HACE1: variants seen among roughly 807,000 people sequenced by gnomAD.
HACE1 encodes the protein HECT domain and ankyrin repeat containing E3 ubiquitin protein ligase 1, also known as E3 ubiquitin-protein ligase HACE1.
HACE1 carries 73 observed loss-of-function variants against 118.4 expected under a neutral mutation model. That is an observed-to-expected ratio of 0.62 (90% CI 0.51 to 0.75). The LOEUF (loss-of-function observed/expected upper bound fraction) is 0.75. Among genes scored for constraint, HACE1 ranks in the 30% least tolerant of loss-of-function variants. The pLI, the probability that HACE1 is intolerant of heterozygous loss-of-function variation, is 0.00. For missense variants in HACE1, 749 were observed against 1,102.2 expected (o/e 0.68, Z 4.54); for synonymous variants, 368 against 374.8 (o/e 0.98, Z 0.21).
At chr6:104,824,603 G>A (rs1171390530) in intron 6 of HACE1, among the ~76,000 whole-genome samples, 1 of 152,084 alleles carries the variant, frequency 6.6e-6, no homozygotes, top group Admixed American at 6.6e-5. Flanking sequence ...AAAGCATAAG[G>A]CACAACATAA....
At chr6:104,762,138 T>C (rs1195289665) in intron 19 of HACE1, among the ~76,000 whole-genome samples, 11 of 152,212 alleles carry the variant, frequency 7.2e-5, no homozygotes, top group African/African-American at 1.2e-4. Context: ...GAAGACAGTG[T>C]GGCGATTCCT....
At chr6:104,750,624 T>G in intron 19 of HACE1, 152 bp from the exon 20 acceptor site, 1 of 741,378 alleles carries the variant, frequency 1.3e-6, no homozygotes, top group East Asian at 2.8e-5. Context: ...CACTATTCAC[T>G]AAGCTGTTGA....
At chr6:104,793,952 A>AT (rs1328312467) in intron 10 of HACE1, among the ~76,000 whole-genome samples, 1 of 152,166 alleles carries the variant, frequency 6.6e-6, no homozygotes, top group Non-Finnish European at 1.5e-5. Context: ...TAGCAGAGTA[A>AT]TTTTTTAAAA....
chr6:104,776,825 G>GT lies in HACE1; in HGVS notation c.1779_1780insA (p.Gln594ThrfsTer6). 2 of 1,598,624 alleles carry GT rather than the reference G, an allele frequency of 1.3e-6. No individual in the cohort carries two copies. Among genetic ancestry groups the GT allele is most frequent in the Non-Finnish European group, 1.7e-6 (2 of 1,166,030 alleles). On this transcript the variant is annotated frameshift_variant, in exon 17 of 24. Coordinates refer to ENST00000262903, the MANE Select transcript of HACE1 (RefSeq NM_020771.4). LOFTEE classifies it high-confidence loss of function. Reference sequence around the variant, plus strand: ...TCAAACCACTCACGCACAACACCTTGACCCTGAATTCAAGAAATAAAATTA... The same window carrying GT: ...TCAAACCACTCACGCACAACACCTTGTACCCTGAATTCAAGAAATAAAATTA...
intron 7 of HACE1, among the ~76,000 whole-genome samples, chr6:104,800,875 T>C (rs1770255325): frequency 6.6e-6 from 1 of 151,908 alleles, no homozygotes. Context: ...CTTTGACGAG[T>C]TCACAGAAGT....
intron 19 of HACE1, among the ~76,000 whole-genome samples, chr6:104,759,919 A>G (rs191239660): frequency 5.3e-4 from 81 of 152,350 alleles, no homozygotes; most frequent in Middle Eastern, 6.8e-3. Flanking sequence ...TACTATAAAC[A>G]TCTCTATGCA....
chr6:104,859,811 G>A lies in HACE1; in HGVS notation c.-169C>T, dbSNP rs1777142660. 10 of 602,546 alleles carry A rather than the reference G, an allele frequency of 1.7e-5. No homozygotes were observed. The highest frequency in any genetic ancestry group is 4.4e-4 in the Middle Eastern group (1 of 2,248). The allele number at this position is 602,546 out of a possible 1,614,324, so 37.3% of individuals were successfully genotyped here. Reference sequence around the variant, plus strand: ...CTGGGGCCACGTCCTGCGTCCGGGGGCCGGGCTGCTGCCGGACCGACCACC... The same window carrying A: ...CTGGGGCCACGTCCTGCGTCCGGGGACCGGGCTGCTGCCGGACCGACCACC... On this transcript the variant is annotated 5_prime_UTR_variant, in exon 1 of 24. Coordinates refer to ENST00000262903, the MANE Select transcript of HACE1 (RefSeq NM_020771.4).
chr6:104,782,348 T>TGTGGTG (rs1443663086), intron 14 of HACE1: 1 of 152,326 alleles, frequency 6.6e-6, no homozygotes, highest in Non-Finnish European at 1.5e-5. Context: ...ATTAGCCAGG[T>TGTGGTG]GTGGTGGTAT....
At position 104,803,947 on chromosome 6, in the gene HACE1, T is replaced by C. The variant is rs992580800; in HGVS notation, c.618-6922A>G. 5.3e-5 allele frequency among the ~76,000 whole-genome samples: 8 copies of C among 152,310 alleles called. 1 individual carries two copies. The highest frequency in any genetic ancestry group is 6.8e-3 in the Middle Eastern group (2 of 294). ...CTGTCCCTGTTTGCAGATGACATGATTGTATATTTAGAAAACCACATCGTC... is the reference window on the plus strand; with the variant it reads ...CTGTCCCTGTTTGCAGATGACATGACTGTATATTTAGAAAACCACATCGTC... On this transcript the variant is annotated intron_variant, in intron 7 of 23. Coordinates refer to ENST00000262903, the MANE Select transcript of HACE1 (RefSeq NM_020771.4).
At chr6:104,762,780 G>T (rs1181837132) in intron 19 of HACE1, among the ~76,000 whole-genome samples, 1 of 151,976 alleles carries the variant, frequency 6.6e-6, no homozygotes, top group Admixed American at 6.6e-5. Flanking sequence ...CACGAGGTCA[G>T]GAGATCGAGA....
chr6:104,832,187 GATAAA>G (rs1168800805), intron 6 of HACE1, among the ~76,000 whole-genome samples: 2 of 151,986 alleles, frequency 1.3e-5, no homozygotes, highest in Admixed American at 6.6e-5. Flanking sequence ...AACAGCAAAA[GATAAA>G]ATAAAATATG....
chr6:104,851,842 A>T (rs1031044001), intron 2 of HACE1, among the ~76,000 whole-genome samples: 2 of 152,204 alleles, frequency 1.3e-5, no homozygotes, highest in African/African-American at 4.8e-5. Flanking sequence ...GTAAGTGTAA[A>T]GACCCCCTCA....
intron 6 of HACE1, among the ~76,000 whole-genome samples, chr6:104,825,081 C>CAA (rs575106170): frequency 0.036 from 3,301 of 92,596 alleles, 151 homozygotes; most frequent in African/African-American, 0.13. Flanking sequence ...GACTCCGTCT[C>CAA]AAAAAAAAAA....
intron 6 of HACE1, among the ~76,000 whole-genome samples, chr6:104,821,431 C>G (rs1394186365): frequency 6.6e-6 from 1 of 152,044 alleles, no homozygotes; most frequent in Admixed American, 6.6e-5. Context: ...TATATATTAG[C>G]ATGCAATTAA....
intron 6 of HACE1, among the ~76,000 whole-genome samples, chr6:104,826,368 A>T (rs1047869866): frequency 2.6e-5 from 4 of 152,370 alleles, no homozygotes; most frequent in African/African-American, 9.6e-5. Context: ...AGATGTAAAT[A>T]AACAAAATCT....
chr6:104,835,175 TC>T (rs1326428822), intron 5 of HACE1, among the ~76,000 whole-genome samples: 3 of 152,188 alleles, frequency 2.0e-5, no homozygotes, highest in African/African-American at 7.2e-5. Flanking sequence ...GAGGCAAATG[TC>T]CAAGGAGATC....
intron 19 of HACE1, among the ~76,000 whole-genome samples, chr6:104,764,625 A>G (rs948433317): frequency 6.6e-6 from 1 of 152,026 alleles, no homozygotes; most frequent in Non-Finnish European, 1.5e-5. Flanking sequence ...TTCAGTTTTA[A>G]TGTTATCTTC....
intron 11 of HACE1, chr6:104,786,426 G>GA: frequency 6.7e-6 from 1 of 150,058 alleles, no homozygotes; most frequent in East Asian, 2.0e-4. Flanking sequence ...AAAAGATGAG[G>GA]AGAGAATAAA....
chr6:104,832,948 T>G, intron 6 of HACE1, 94 bp downstream of exon 6: 1 of 1,167,372 alleles, frequency 8.6e-7, no homozygotes, highest in Non-Finnish European at 1.3e-6. Flanking sequence ...CTATAATGCT[T>G]CATGTTCCCA....
Sources: allele counts gnomAD v4.1 joint callset (sites outside exome capture counted in the v4.1 genomes callset), GRCh38; gene constraint gnomAD v4.1.1; transcripts MANE v1.5; gene names NCBI Gene and HGNC (gene_info 2026-07-23, HGNC 2026-07-21).